Variants in FAT1 observed in about 807,000 individuals in gnomAD.
FAT1 encodes the protein FAT atypical cadherin 1.
Under a neutral mutation model 329.8 loss-of-function variants are expected in FAT1, and 171 were observed. The observed-to-expected ratio is 0.52, with a 90% confidence interval of 0.46 to 0.59. The LOEUF (loss-of-function observed/expected upper bound fraction) is 0.59, where lower values mean the gene tolerates loss of function less well. Ranked by LOEUF, FAT1 falls within the 20% of genes least tolerant of loss-of-function variation. FAT1 has a pLI of 0.00. For synonymous variants in FAT1, 2,233 were observed against 2,228.6 expected (o/e 1.00, Z -0.06); for missense variants, 5,672 against 5,774.4 (o/e 0.98, Z 0.57).
intron 2 of FAT1, among the ~76,000 whole-genome samples, chr4:186,689,512 G>A (rs1177903036): frequency 6.6e-6 from 1 of 152,056 alleles, no homozygotes; most frequent in South Asian, 2.1e-4. Context: ...ACCAAAGCGA[G>A]AGAGAGTCCA....
At chr4:186,682,854 T>C (rs1743293277) in intron 2 of FAT1, among the ~76,000 whole-genome samples, 1 of 152,202 alleles carries the variant, frequency 6.6e-6, no homozygotes, top group Non-Finnish European at 1.5e-5. Context: ...AAGCCTGGAC[T>C]GGGATAAAAC....
chr4:186,663,692 G>A, intron 2 of FAT1, 79 bp from the exon 3 acceptor site: 1 of 1,137,614 alleles, frequency 8.8e-7, no homozygotes, highest in Admixed American at 2.4e-5. Flanking sequence ...AACAACTACG[G>A]CTTACTGAGA....
At chr4:186,679,601 T>TG (rs1344748327) in intron 2 of FAT1, among the ~76,000 whole-genome samples, 5 of 142,062 alleles carry the variant, frequency 3.5e-5, no homozygotes, top group South Asian at 4.6e-4. Context: ...AAATTCAACA[T>TG]GGGAAAAAAA....
chr4:186,668,281 C>A (rs1358876816), intron 2 of FAT1, among the ~76,000 whole-genome samples: 2 of 152,118 alleles, frequency 1.3e-5, no homozygotes, highest in African/African-American at 4.8e-5. Flanking sequence ...AGGTCAAAAC[C>A]CCGAAGCTTC....
chr4:186,588,701 C>T lies in FAT1; in HGVS notation c.13658G>A (p.Cys4553Tyr), dbSNP rs2126348521. 1 of 1,613,980 alleles carries T rather than the reference C, an allele frequency of 6.2e-7. No homozygotes were observed. ...CATCATGACCTCGGACTCCACTTCGCAGCAGGCTGACACGTCAGAGCAGGA... is the reference window on the plus strand; with the variant it reads ...CATCATGACCTCGGACTCCACTTCGTAGCAGGCTGACACGTCAGAGCAGGA... ...TASCSDVSAC[C>Y]EVESEVMMSD... The change falls in exon 27 of 27, where the codon TGC becomes TAC. Residue 4553 changes from cysteine (C) to tyrosine (Y), a missense_variant. Cys to Tyr is a radical substitution (Grantham distance 194). This residue lies in a region of FAT1 where 1,706 missense variants were observed against 1,859.1 expected (regional missense o/e 0.92). Transcript: ENST00000441802.
chr4:186,683,050 G>A (rs1055432647), intron 2 of FAT1, among the ~76,000 whole-genome samples: 2 of 152,120 alleles, frequency 1.3e-5, no homozygotes, highest in African/African-American at 2.4e-5. Flanking sequence ...TCCTGGCCAC[G>A]CACCTACCTT....
At chr4:186,612,613 T>C (rs1257916980) in intron 13 of FAT1, among the ~76,000 whole-genome samples, 1 of 152,230 alleles carries the variant, frequency 6.6e-6, no homozygotes, top group South Asian at 2.1e-4. Context: ...AAAATACTTC[T>C]AGTTCCAACT....
At chr4:186,671,908 C>T (rs1344411378) in intron 2 of FAT1, among the ~76,000 whole-genome samples, 3 of 151,734 alleles carry the variant, frequency 2.0e-5, no homozygotes, top group Non-Finnish European at 2.9e-5. Flanking sequence ...TAAAATAGAA[C>T]AAGAAATGAA....
At position 186,603,929 on chromosome 4, in the gene FAT1, T is replaced by C. The variant is rs189606963; in HGVS notation, c.10597A>G (p.Ile3533Val). 3.4e-5 allele frequency: 55 copies of C among 1,613,934 alleles called. No homozygotes were observed. The African/African-American group carries it at 6.5e-4, about 19-fold the overall frequency. ...PQLSSLTYID[I>V]RVIEESIYPP... ...TAGATGCTCTCCTCAATTACCCTAA[T>C]GTCAATGTATGTCAAAGATGACAAC... The change falls in exon 19 of 27, where the codon ATT (isoleucine) becomes GTT (valine). Residue 3533 changes from isoleucine (I) to valine (V), a missense_variant. Physicochemically the swap from Ile to Val is conservative, Grantham distance 29. Transcript: ENST00000441802.
Position 186,663,614 on chromosome 4 carries a change from C to T in FAT1, c.3266-1G>A. On this transcript the variant is annotated splice_acceptor_variant, in intron 2 of 26. Transcript: ENST00000441802. LOFTEE classifies it high-confidence loss of function. ...AGTCGATCTGACGTCTCTATGACAC[C>T]TACAGAGAAAAAAGAAAAGCGTAAA... The T allele has an allele frequency of 6.3e-7, 1 of 1,597,566 alleles. No homozygotes were observed.
rs774121192 is a variant in FAT1, at chr4:186,601,319, T to C, written c.11590A>G (p.Thr3864Ala). 6.2e-7 allele frequency: 1 copy of C among 1,612,332 alleles called. No individual in the cohort carries two copies. Among genetic ancestry groups the C allele is most frequent in the Admixed American group, 1.7e-5 (1 of 60,014 alleles). ...KLTMRLRTYS[T>A]HAVVMYARGT... ...CGAGCATACATGACAACCGCATGCG[T>C]GGAATATGTTCTGAGCCTCATGGTC... Residue 3864 changes from threonine (T) to alanine (A), a missense_variant, in exon 21 of 27, where the codon ACG becomes GCG. Thr to Ala is a moderately conservative substitution (Grantham distance 58). Around this residue, in one of 2 missense-constraint regions of FAT1, gnomAD observed 1,706 missense variants for 1,859.1 expected, o/e 0.92. Coordinates refer to ENST00000441802, the MANE Select transcript of FAT1 (RefSeq NM_005245.4).
intron 3 of FAT1, among the ~76,000 whole-genome samples, chr4:186,642,833 C>T (rs765755519): frequency 2.7e-4 from 41 of 152,262 alleles, no homozygotes; most frequent in Admixed American, 1.3e-3. Flanking sequence ...GAGAAAATAG[C>T]GGGCCGATCT....
chr4:186,710,580 G>A (rs1479367703), intron 1 of FAT1, among the ~76,000 whole-genome samples: 5 of 152,166 alleles, frequency 3.3e-5, no homozygotes, highest in African/African-American at 1.2e-4. Context: ...GAATTCAGCA[G>A]CCTGATGTCA....
intron 2 of FAT1, among the ~76,000 whole-genome samples, chr4:186,687,906 A>G (rs1215545194): frequency 6.6e-6 from 1 of 152,166 alleles, no homozygotes; most frequent in Non-Finnish European, 1.5e-5. Flanking sequence ...CTGGAAAGGC[A>G]TCTTTGTGCA....
rs1372874619 is a variant in FAT1 at position 186,663,413 on chromosome 4, C to G, written c.3466G>C (p.Val1156Leu). 6.2e-7 allele frequency: 1 copy of G among 1,614,012 alleles called. No homozygotes were observed. The highest frequency in any genetic ancestry group is 8.5e-7 in the Non-Finnish European group (1 of 1,179,898). ...AATGCCTCGATCTGGACCACAGATACATCTTTAGGAGAATTTTCCATGATT... is the reference window on the plus strand; with the variant it reads ...AATGCCTCGATCTGGACCACAGATAGATCTTTAGGAGAATTTTCCATGATT... ...PEIMENSPKDVSVVQIEAFDP... is the reference protein window; with the variant it reads ...PEIMENSPKDLSVVQIEAFDP... The change falls in exon 3 of 27, where the codon GTA (valine) becomes CTA (leucine). Residue 1156 changes from valine (V) to leucine (L), a missense_variant. Coordinates refer to ENST00000441802, the MANE Select transcript of FAT1 (RefSeq NM_005245.4).
intron 2 of FAT1, among the ~76,000 whole-genome samples, chr4:186,683,035 T>A (rs1743298814): frequency 6.6e-6 from 1 of 152,198 alleles, no homozygotes; most frequent in Non-Finnish European, 1.5e-5. Flanking sequence ...GACCACAGCC[T>A]CATGTCCTGG....
At chr4:186,687,293 G>C (rs1743518114) in intron 2 of FAT1, among the ~76,000 whole-genome samples, 1 of 152,074 alleles carries the variant, frequency 6.6e-6, no homozygotes, top group South Asian at 2.1e-4. Flanking sequence ...CCATCATTTT[G>C]ATTTCTGTTT....
At chr4:186,641,486 T>A (rs1282054828) in intron 3 of FAT1, among the ~76,000 whole-genome samples, 2 of 152,154 alleles carry the variant, frequency 1.3e-5, no homozygotes, top group Non-Finnish European at 2.9e-5. Context: ...TAGTCCCACA[T>A]CTAATTATTG....
intron 2 of FAT1, among the ~76,000 whole-genome samples, chr4:186,700,587 A>G (rs1297270043): frequency 6.6e-6 from 1 of 152,198 alleles, no homozygotes; most frequent in Non-Finnish European, 1.5e-5. Flanking sequence ...GGCCTAACCC[A>G]GCTTAGCACA....
Sources: allele counts gnomAD v4.1 joint callset (sites outside exome capture counted in the v4.1 genomes callset), GRCh38; gene constraint gnomAD v4.1.1; regional missense constraint gnomAD v4.1.1; transcripts MANE v1.5; gene names NCBI Gene and HGNC (gene_info 2026-07-23, HGNC 2026-07-21).